MYO5B: variants seen among roughly 807,000 people sequenced by gnomAD.
The protein encoded by MYO5B is myosin VB.
In MYO5B, 143 loss-of-function variants were observed where a neutral mutation model predicts 229.3. The observed-to-expected ratio is 0.62, with a 90% CI of 0.54 to 0.72. The LOEUF (loss-of-function observed/expected upper bound fraction) is 0.72, where lower values mean the gene tolerates loss of function less well. Among genes scored for constraint, MYO5B ranks in the 30% least tolerant of loss-of-function variants. The probability of loss-of-function intolerance (pLI) is 0.00; values close to 1 mark genes in which losing one functional copy is unlikely to be tolerated. For missense variants in MYO5B, 2,321 were observed against 2,331.0 expected, an observed-to-expected ratio of 1.00 and a Z score of 0.09; for synonymous variants, 918 against 885.2, an observed-to-expected ratio of 1.04 and a Z score of -0.66.
chr18:49,950,947 G>A (rs888393223), intron 14 of MYO5B, among the ~76,000 whole-genome samples: 1 of 152,114 alleles, frequency 6.6e-6, no homozygotes, highest in African/African-American at 2.4e-5. Flanking sequence ...TGCCTAAATT[G>A]TTCATGCAAA....
intron 2 of MYO5B, among the ~76,000 whole-genome samples, chr18:50,046,842 G>A (rs983988267): frequency 1.3e-5 from 2 of 152,154 alleles, no homozygotes; most frequent in Non-Finnish European, 2.9e-5. Context: ...ATGGGGAAAG[G>A]ATTCCCTATT....
intron 1 of MYO5B, among the ~76,000 whole-genome samples, chr18:50,128,022 C>T (rs1053632961): frequency 1.3e-5 from 2 of 152,194 alleles, no homozygotes; most frequent in Non-Finnish European, 1.5e-5. Flanking sequence ...TGCTGGTTCT[C>T]AGGCCTTTGG....
intron 16 of MYO5B, among the ~76,000 whole-genome samples, chr18:49,931,090 C>A (rs534464774): frequency 2.0e-5 from 3 of 152,270 alleles, no homozygotes; most frequent in Non-Finnish European, 4.4e-5. Context: ...GACTGTCCTG[C>A]AGCTCAGCTG....
intron 12 of MYO5B, among the ~76,000 whole-genome samples, chr18:49,960,104 C>T (rs1374094718): frequency 6.6e-6 from 1 of 152,074 alleles, no homozygotes; most frequent in Admixed American, 6.5e-5. Flanking sequence ...TCACAGCCAC[C>T]CCATCTCCAC....
chr18:50,147,074 C>T (rs949726301), intron 1 of MYO5B, among the ~76,000 whole-genome samples: 2 of 152,168 alleles, frequency 1.3e-5, no homozygotes, highest in Non-Finnish European at 2.9e-5. Context: ...TCAACCTGAT[C>T]CCTCATGAAT....
intron 20 of MYO5B, among the ~76,000 whole-genome samples, chr18:49,903,486 A>T (rs1322140202): frequency 6.6e-6 from 1 of 152,246 alleles, no homozygotes; most frequent in East Asian, 1.9e-4. Flanking sequence ...AGAAACTCCC[A>T]AACATCACCT....
chr18:50,055,244 C>A (rs1219961826), intron 2 of MYO5B, 24 bp downstream of exon 2: 9 of 1,042,032 alleles, frequency 8.6e-6, no homozygotes, highest in Admixed American at 6.8e-5. Flanking sequence ...CACCCCCGCC[C>A]CCCTGCCCCG....
chr18:50,042,263 G>C (rs569423706), intron 2 of MYO5B, among the ~76,000 whole-genome samples: 1 of 152,090 alleles, frequency 6.6e-6, no homozygotes, highest in East Asian at 1.9e-4. Context: ...AAAAACTACA[G>C]GGACAGTCAG....
At chr18:50,067,972 G>A (rs952405622) in intron 1 of MYO5B, among the ~76,000 whole-genome samples, 45 of 151,890 alleles carry the variant, frequency 3.0e-4, no homozygotes, top group African/African-American at 1.1e-3. Flanking sequence ...ATACACTACA[G>A]ACATGTTCTA....
chr18:49,864,514 C>A, intron 27 of MYO5B, 134 bp from the exon 28 acceptor site: 1 of 1,275,578 alleles, frequency 7.8e-7, no homozygotes, highest in Non-Finnish European at 1.1e-6. Flanking sequence ...ATGGAAAGTT[C>A]TGACTGCCAT....
chr18:50,033,928 G>A (rs2026419452), intron 4 of MYO5B, among the ~76,000 whole-genome samples: 1 of 151,452 alleles, frequency 6.6e-6, no homozygotes, highest in Non-Finnish European at 1.5e-5. Flanking sequence ...GTGGGTATGG[G>A]GGGGAATAAA....
chr18:50,058,428 C>T (rs1243085860), intron 1 of MYO5B, among the ~76,000 whole-genome samples: 1 of 152,170 alleles, frequency 6.6e-6, no homozygotes, highest in Admixed American at 6.6e-5. Flanking sequence ...TACAATTGTG[C>T]CACTGCACTC....
At chr18:49,927,786 A>G (rs2025146184) in intron 17 of MYO5B, among the ~76,000 whole-genome samples, 1 of 152,262 alleles carries the variant, frequency 6.6e-6, no homozygotes, top group Non-Finnish European at 1.5e-5. Context: ...TGAAACCATA[A>G]AAACTCTAGA....
intron 25 of MYO5B, chr18:49,876,111 A>C: frequency 4.6e-6 from 2 of 435,042 alleles, no homozygotes; most frequent in Non-Finnish European, 8.6e-6. Flanking sequence ...CCAAGAACAA[A>C]TGGATAAAAA....
At chr18:49,929,933 T>C (rs1671538454) in intron 16 of MYO5B, among the ~76,000 whole-genome samples, 1 of 151,904 alleles carries the variant, frequency 6.6e-6, no homozygotes, top group Non-Finnish European at 1.5e-5. Flanking sequence ...CAGAGCCTAC[T>C]CTTACTGTTT....
At chr18:50,149,803 A>C (rs576222098) in intron 1 of MYO5B, among the ~76,000 whole-genome samples, 10 of 152,276 alleles carry the variant, frequency 6.6e-5, no homozygotes, top group Non-Finnish European at 1.2e-4. Flanking sequence ...AAACACCAAA[A>C]GCAATGGCAA....
chr18:50,055,225 G>GGGCCCCCCCGCCCC, intron 2 of MYO5B, 43 bp downstream of exon 2: 1 of 700,376 alleles, frequency 1.4e-6, no homozygotes, highest in Non-Finnish European at 2.7e-6. Context: ...TGAGCTCCCT[G>GGGCCCCCCCGCCCC]CCCCACCTCA....
chr18:50,186,206 C>G (rs1420764128), intron 1 of MYO5B, among the ~76,000 whole-genome samples: 3 of 152,206 alleles, frequency 2.0e-5, no homozygotes, highest in Non-Finnish European at 4.4e-5. Flanking sequence ...CCAGCCTCAT[C>G]GCAAGTGCTC....
intron 4 of MYO5B, among the ~76,000 whole-genome samples, chr18:50,036,613 A>T (rs2026451177): frequency 1.3e-5 from 2 of 152,230 alleles, no homozygotes; most frequent in African/African-American, 4.8e-5. Flanking sequence ...TGCTCAAAAA[A>T]ATGAAATAAG....
Sources: gnomAD v4.1 joint callset for allele counts (sites outside exome capture counted in the v4.1 genomes callset) on GRCh38, gnomAD v4.1.1 for gene constraint, MANE v1.5 for transcripts, NCBI Gene and HGNC (gene_info 2026-07-23, HGNC 2026-07-21) for gene names.